GDAP1: variants seen among roughly 807,000 people sequenced by gnomAD.
GDAP1 encodes ganglioside-induced differentiation-associated protein 1.
In GDAP1, 34 loss-of-function variants were observed where a neutral mutation model predicts 40.1. That is an observed-to-expected ratio of 0.85 (90% confidence interval 0.64 to 1.13). GDAP1 has a LOEUF of 1.13. GDAP1 is among the 50% of genes most tolerant of loss of function. The pLI is 0.00. For synonymous variants in GDAP1, 170 were observed against 157.4 expected (o/e 1.08, Z -0.60); for missense variants, 374 against 433.7 (o/e 0.86, Z 1.22).
At chr8:74,439,833 C>T (rs928255374) in intron 2 of GDAP1, among the ~76,000 whole-genome samples, 2 of 151,714 alleles carry the variant, frequency 1.3e-5, no homozygotes, top group Non-Finnish European at 2.9e-5. Context: ...TTTAGTAAAT[C>T]TTATTTGGTT....
At chr8:74,401,752 T>A (rs1011000992) in intron 2 of GDAP1, among the ~76,000 whole-genome samples, 1 of 150,092 alleles carries the variant, frequency 6.7e-6, no homozygotes, top group Admixed American at 6.6e-5. Flanking sequence ...TCCTTTCTGT[T>A]TGTTAGTTTT....
intron 2 of GDAP1, among the ~76,000 whole-genome samples, chr8:74,419,517 G>A (rs1487841412): frequency 6.6e-6 from 1 of 152,074 alleles, no homozygotes; most frequent in African/African-American, 2.4e-5. Flanking sequence ...TTAAAATTGG[G>A]ATGCTTGCTT....
intron 2 of GDAP1, among the ~76,000 whole-genome samples, chr8:74,397,518 T>A (rs1810229142): frequency 6.6e-6 from 1 of 152,226 alleles, no homozygotes; most frequent in African/African-American, 2.4e-5. Flanking sequence ...TAATCCATCT[T>A]GAATTAATTT....
At chr8:74,482,812 A>C (rs192580953) in intron 2 of GDAP1, among the ~76,000 whole-genome samples, 264 of 152,272 alleles carry the variant, frequency 1.7e-3, no homozygotes, top group African/African-American at 6.3e-3. Flanking sequence ...AAATGATGTG[A>C]TTTTCATTAC....
At chr8:74,363,865 TA>T in intron 5 of GDAP1, 119 bp from the exon 6 acceptor site, 1 of 802,454 alleles carries the variant, frequency 1.2e-6, no homozygotes, top group Non-Finnish European at 2.1e-6. Flanking sequence ...AATAAATATA[TA>T]ATGTCCTTCA....
intron 2 of GDAP1, among the ~76,000 whole-genome samples, chr8:74,469,616 C>G (rs1446031756): frequency 2.0e-5 from 3 of 151,080 alleles, no homozygotes; most frequent in African/African-American, 7.3e-5. Context: ...TTGCAGTGAG[C>G]CGAGATCGCG....
chr8:74,438,208 T>A (rs1806117154), intron 2 of GDAP1, among the ~76,000 whole-genome samples: 1 of 152,010 alleles, frequency 6.6e-6, no homozygotes, highest in African/African-American at 2.4e-5. Context: ...AGGTGGAGGT[T>A]ACAGTGAGCC....
chr8:74,473,646 T>C (rs1378671878), intron 2 of GDAP1, among the ~76,000 whole-genome samples: 1 of 152,182 alleles, frequency 6.6e-6, no homozygotes, highest in Non-Finnish European at 1.5e-5. Flanking sequence ...GGCTCTCTAT[T>C]GTGTTCCATT....
rs572027361 is a variant in GDAP1, at chr8:74,450,093, T to TG, written c.166-38585_166-38584insG. 1.5e-4 allele frequency among the ~76,000 whole-genome samples: 22 copies of TG among 151,664 alleles called. No homozygotes were observed. In the South Asian group the frequency reaches 4.6e-3, roughly 31 times the overall value. ...AGTTTGAAATATTTCCTTTGGTTTT[T>TG]TTTTCATGGTTTATTTATATGTGTC... On this transcript the variant is annotated intron_variant, in intron 2 of 2. Coordinates refer to the GDAP1 transcript ENST00000523640.
chr8:74,354,980 C>T (rs1402405337), intron 2 of GDAP1, among the ~76,000 whole-genome samples: 3 of 152,124 alleles, frequency 2.0e-5, no homozygotes, highest in East Asian at 1.9e-4. Context: ...GTTATCGATC[C>T]AGTGGGGATT....
At chr8:74,402,914 G>T (rs1381634230) in intron 2 of GDAP1, among the ~76,000 whole-genome samples, 1 of 149,852 alleles carries the variant, frequency 6.7e-6, no homozygotes, top group Non-Finnish European at 1.5e-5. Flanking sequence ...TGTTGTTGTT[G>T]TTGAGTTGTT....
At chr8:74,429,194 T>G (rs1805995476) in intron 2 of GDAP1, among the ~76,000 whole-genome samples, 1 of 152,168 alleles carries the variant, frequency 6.6e-6, no homozygotes, top group African/African-American at 2.4e-5. Context: ...TGTGTCTTTA[T>G]GGCAGCATGA....
chr8:74,366,925 T>TAA (rs1409188338), downstream of GDAP1: 1 of 372,718 alleles, frequency 2.7e-6, no homozygotes, highest in African/African-American at 2.1e-5. Flanking sequence ...TTTTTTCATT[T>TAA]AAAATCAAAG....
rs1391972330 is a variant in GDAP1 at position 74,462,951 on chromosome 8, G to A, written c.166-25727G>A. On this transcript the variant is annotated intron_variant, in intron 2 of 2. Transcript: ENST00000523640. Reference sequence around the variant, plus strand: ...AGAGATCAAATTATTAAAAGATCAAGTGCAAAGGGAAAAGTTTATAGATAT... The same window carrying A: ...AGAGATCAAATTATTAAAAGATCAAATGCAAAGGGAAAAGTTTATAGATAT... Among the ~76,000 whole-genome samples the A allele has an allele frequency of 2.0e-5, 3 of 150,508 alleles. No individual in the cohort carries two copies. The East Asian group carries it at 5.9e-4, about 30-fold the overall frequency.
rs905321422 is a variant in GDAP1, at chr8:74,403,984, A to C, written c.165+52663A>C. On this transcript the variant is annotated intron_variant, in intron 2 of 2. Coordinates refer to the GDAP1 transcript ENST00000523640. ...GCCTGTAAAAAAGAAAGATCATAGGATAGTATTTTGAGTTTATCCAGTACA... is the reference window on the plus strand; with the variant it reads ...GCCTGTAAAAAAGAAAGATCATAGGCTAGTATTTTGAGTTTATCCAGTACA... Among the ~76,000 whole-genome samples the C allele has an allele frequency of 3.3e-5, 5 of 150,166 alleles. No homozygotes were observed. In the East Asian group the frequency reaches 7.7e-4, roughly 23 times the overall value.
chr8:74,361,405 C>T (rs1297448354), intron 3 of GDAP1, among the ~76,000 whole-genome samples: 2 of 145,380 alleles, frequency 1.4e-5, no homozygotes, highest in East Asian at 2.0e-4. Context: ...TTTTTCTTTT[C>T]TTTTTTTTTT....
intron 2 of GDAP1, among the ~76,000 whole-genome samples, chr8:74,375,238 A>T (rs1050882931): frequency 6.6e-6 from 1 of 152,132 alleles, no homozygotes; most frequent in Non-Finnish European, 1.5e-5. Context: ...GAGGCAAGAG[A>T]ATCTCTTGAA....
chr8:74,385,039 A>C (rs542692792), intron 2 of GDAP1, among the ~76,000 whole-genome samples: 1 of 152,300 alleles, frequency 6.6e-6, no homozygotes, highest in South Asian at 2.1e-4. Context: ...CTTCTACTAA[A>C]ATACTAGAAT....
chr8:74,454,810 A>G (rs1320584488), intron 2 of GDAP1, among the ~76,000 whole-genome samples: 1 of 152,058 alleles, frequency 6.6e-6, no homozygotes, highest in Admixed American at 6.6e-5. Flanking sequence ...GGTACTACTT[A>G]GATCAAATTA....
Sources: allele counts gnomAD v4.1 joint callset (sites outside exome capture counted in the v4.1 genomes callset), GRCh38; gene constraint gnomAD v4.1.1; transcripts MANE v1.5; gene names NCBI Gene and HGNC (gene_info 2026-07-23, HGNC 2026-07-21).